RBFA: variants seen among roughly 807,000 people sequenced by gnomAD.
RBFA encodes ribosome binding factor A, also known as putative ribosome-binding factor A, mitochondrial.
A neutral mutation model predicts 27.9 loss-of-function variants in RBFA; 16 were observed. The observed-to-expected ratio is 0.57, with a 90% CI of 0.39 to 0.87. RBFA has a LOEUF of 0.87. Ranked by LOEUF, RBFA falls within the 40% of genes least tolerant of loss-of-function variation. The pLI is 0.00. For missense variants in RBFA, 456 were observed against 432.1 expected (o/e 1.06, Z -0.49); for synonymous variants, 181 against 181.0 (o/e 1.00, Z 0.00).
chr18:80,042,056 A>T (rs2052019966), intron 4 of RBFA, 79 bp from the exon 5 acceptor site: 2 of 1,066,470 alleles, frequency 1.9e-6, no homozygotes, highest in Non-Finnish European at 2.7e-6. Context: ...TACATCTTGA[A>T]TCATATGTTC....
intron 1 of RBFA, chr18:80,035,448 A>T (rs1178406474): frequency 6.6e-6 from 1 of 152,314 alleles, no homozygotes; most frequent in Non-Finnish European, 1.5e-5. Context: ...GGTACTGGTC[A>T]GGTGCTTTGC....
At position 80,049,123 on chromosome 18, in the gene RBFA, G is replaced by A. The variant is rs748116530; in HGVS notation, c.*2968G>A. 6.8e-6 allele frequency among the ~76,000 whole-genome samples: 1 copy of A among 146,902 alleles called. No individual in the cohort carries two copies. The highest frequency in any genetic ancestry group is 1.5e-5 in the Non-Finnish European group (1 of 66,890). On this transcript the variant is annotated 3_prime_UTR_variant, in exon 7 of 7. Transcript: ENST00000306735. ...GAGTTAGGGACACGGAAGCTCACCC[G>A]CTTCTGAATGGGTCCACTCCTGGGG...
chr18:80,045,970 A>C lies in RBFA; in HGVS notation c.847A>C (p.Lys283Gln), dbSNP rs1289475946. ...TQMKKGRKRA[K>Q]PRLEQDSSLK... ...GATGAAAAAGGGAAGGAAGAGGGCC[A>C]AGCCCCGCCTGGAGCAGGACAGCTC... is the stretch of plus-strand genomic sequence containing the variant. The change falls in exon 7 of 7, where the codon AAG becomes CAG. Residue 283 changes from lysine to glutamine, a missense_variant. Physicochemically the swap from Lys to Gln is moderately conservative, Grantham distance 53. Coordinates refer to ENST00000306735, the MANE Select transcript of RBFA (RefSeq NM_024805.3). The C allele has an allele frequency of 1.9e-6, 3 of 1,614,158 alleles. No homozygotes were observed. In the South Asian group the frequency reaches 3.3e-5, roughly 18 times the overall value.
In RBFA at chr18:80,047,441, G is replaced by A. The variant is rs1344816041; in HGVS notation, c.*1286G>A. On this transcript the variant is annotated 3_prime_UTR_variant, in exon 7 of 7. Transcript: ENST00000306735. The stretch of plus-strand genomic sequence containing the variant: ...ACTGTGTGGGGTAAGGACAGTAGGA[G>A]ATGCTGCTGCAAGATGCTGACTCCC... The A allele has an allele frequency of 6.6e-6, 1 of 152,384 alleles. No homozygotes were observed. Among genetic ancestry groups the A allele is most frequent in the African/African-American group, 2.4e-5 (1 of 41,430 alleles). 9.4% of individuals were successfully genotyped at this position (152,384 alleles called of 1,614,324 possible).
Position 80,046,361 on chromosome 18 carries a change from A to C in RBFA, c.*206A>C. The C allele has an allele frequency of 3.4e-6, 2 of 595,582 alleles. No individual in the cohort carries two copies. The highest frequency in any genetic ancestry group is 5.8e-6 in the Non-Finnish European group (2 of 344,054). The allele number at this position is 595,582 out of a possible 1,614,324, so 36.9% of individuals were successfully genotyped here. A position where few individuals can be genotyped will look rare whatever the true frequency, so the allele number is the denominator to read the frequency against. On this transcript the variant is annotated 3_prime_UTR_variant, in exon 7 of 7. Coordinates refer to ENST00000306735, the MANE Select transcript of RBFA (RefSeq NM_024805.3). ...TGCACTGTGTGTAATTTAAAAATTA[A>C]ATGGCCATCTTATCACAGATTCTCA...
In RBFA at chr18:80,044,193, C is replaced by T. The variant is rs776947614; in HGVS notation, c.577-19C>T. The T allele has an allele frequency of 6.2e-7, 1 of 1,611,800 alleles. No individual in the cohort carries two copies. Among genetic ancestry groups the T allele is most frequent in the Non-Finnish European group, 8.5e-7 (1 of 1,177,888 alleles). ...GTGGGGATGTGGCTAACGGGTTTAC[C>T]CTCTGTGTTCCTCTGTAGCTTGATC... On this transcript the variant is annotated intron_variant, in intron 5 of 6. Coordinates refer to ENST00000306735, the MANE Select transcript of RBFA (RefSeq NM_024805.3).
rs774998905 is a variant in RBFA, at chr18:80,050,585, T to A, written c.*4430T>A. 5.3e-5 allele frequency among the ~76,000 whole-genome samples: 8 copies of A among 152,246 alleles called. No homozygotes were observed. The highest frequency in any genetic ancestry group is 1.2e-4 in the Non-Finnish European group (8 of 68,034). Reference sequence around the variant, plus strand: ...TCTGTGCTGCTGCTCTACTGTGGCCTCAAAGATCATAAATGCTGTGGGTGC... The same window carrying A: ...TCTGTGCTGCTGCTCTACTGTGGCCACAAAGATCATAAATGCTGTGGGTGC... On this transcript the variant is annotated 3_prime_UTR_variant, in exon 7 of 7. Transcript: ENST00000306735.
chr18:80,038,557 T>G lies in RBFA; in HGVS notation c.431T>G (p.Leu144Arg), dbSNP rs757659027. Reference protein sequence around the residue: ...SACRAYWKTTLSAEQNAHMEA... With the variant: ...SACRAYWKTTRSAEQNAHMEA... Reference sequence around the variant, plus strand: ...TGCCGAGCGTACTGGAAGACAACGCTCTCTGCTGAGCAGAACGCACACATG... The same window carrying G: ...TGCCGAGCGTACTGGAAGACAACGCGCTCTGCTGAGCAGAACGCACACATG... The change falls in exon 4 of 7, where the codon CTC becomes CGC. Residue 144 changes from leucine to arginine, a missense_variant. Coordinates refer to ENST00000306735, the MANE Select transcript of RBFA (RefSeq NM_024805.3). 3.1e-6 allele frequency: 5 copies of G among 1,613,944 alleles called. No homozygotes were observed. The highest frequency in any genetic ancestry group is 2.7e-5 in the African/African-American group (2 of 74,906).
chr18:80,038,370 G>A (rs2051994696), intron 3 of RBFA, 135 bp from the exon 4 acceptor site: 2 of 616,890 alleles, frequency 3.2e-6, no homozygotes, highest in Non-Finnish European at 5.7e-6. Flanking sequence ...AGCAGGAGGT[G>A]GCCTCCAGCA....
chr18:80,046,195 C>T lies in RBFA; in HGVS notation c.*40C>T. The T allele has an allele frequency of 6.3e-7, 1 of 1,591,238 alleles. No individual in the cohort carries two copies. The highest frequency in any genetic ancestry group is 8.6e-7 in the Non-Finnish European group (1 of 1,166,790). On this transcript the variant is annotated 3_prime_UTR_variant, in exon 7 of 7. Coordinates refer to ENST00000306735, the MANE Select transcript of RBFA (RefSeq NM_024805.3). Reference sequence around the variant, plus strand: ...CCCATCCCACATTTGCAGGGAAAAGCATTGGCACGCAACGCAGCATGTGGC... The same window carrying T: ...CCCATCCCACATTTGCAGGGAAAAGTATTGGCACGCAACGCAGCATGTGGC...
At chr18:80,043,231 A>T (rs1021034376) in intron 5 of RBFA, among the ~76,000 whole-genome samples, 1 of 152,236 alleles carries the variant, frequency 6.6e-6, no homozygotes, top group Non-Finnish European at 1.5e-5. Flanking sequence ...TAGCGTTTGC[A>T]GTATTATAGG....
rs2051987736 is a variant in RBFA, at chr18:80,037,453, T to G, written c.325T>G (p.Cys109Gly). 6.2e-7 allele frequency: 1 copy of G among 1,614,004 alleles called. No individual in the cohort carries two copies. Among genetic ancestry groups the G allele is most frequent in the African/African-American group, 1.3e-5 (1 of 74,926 alleles). The change falls in exon 3 of 7, where the codon TGT (cysteine) becomes GGT (glycine). Residue 109 changes from cysteine to glycine, a missense_variant. By Grantham distance (159) the Cys-to-Gly change is radical (BLOSUM62 -3). Coordinates refer to ENST00000306735, the MANE Select transcript of RBFA (RefSeq NM_024805.3). ...CTATAAGGCACTGACAGACCTGCTGTGTACCCCTGAAGTGAGTCAGGAGCT... is the reference window on the plus strand; with the variant it reads ...CTATAAGGCACTGACAGACCTGCTGGGTACCCCTGAAGTGAGTCAGGAGCT... ...LLYKALTDLL[C>G]TPEVSQELYD...
In RBFA at chr18:80,046,178, A is replaced by G. The variant is rs747923143; in HGVS notation, c.*23A>G. ...TAGATGGAGAGGCTCTGCCCATCCC[A>G]CATTTGCAGGGAAAAGCATTGGCAC... On this transcript the variant is annotated 3_prime_UTR_variant, in exon 7 of 7. Transcript: ENST00000306735. 6.2e-7 allele frequency: 1 copy of G among 1,604,582 alleles called. No individual in the cohort carries two copies. The highest frequency in any genetic ancestry group is 2.2e-5 in the East Asian group (1 of 44,720).
intron 5 of RBFA, among the ~76,000 whole-genome samples, chr18:80,042,511 C>T (rs925323470): frequency 3.3e-5 from 5 of 152,106 alleles, no homozygotes; most frequent in African/African-American, 4.8e-5. Context: ...TGGCTCAAGC[C>T]TGTAATCCCA....
At position 80,049,097 on chromosome 18, in the gene RBFA, C is replaced by T. The variant is rs1029216149; in HGVS notation, c.*2942C>T. On this transcript the variant is annotated 3_prime_UTR_variant, in exon 7 of 7. Transcript: ENST00000306735. ...TTTCTGGCGTGGCCTTCCCTGGGAG[C>T]GAGTTAGGGACACGGAAGCTCACCC... 9.2e-5 allele frequency among the ~76,000 whole-genome samples: 14 copies of T among 152,232 alleles called. No individual in the cohort carries two copies. The highest frequency in any genetic ancestry group is 3.4e-3 in the Middle Eastern group (1 of 294).
rs2052052750 is a variant in RBFA at position 80,046,172 on chromosome 18, C to T, written c.*17C>T. ...AGGGAGTAGATGGAGAGGCTCTGCC[C>T]ATCCCACATTTGCAGGGAAAAGCAT... On this transcript the variant is annotated 3_prime_UTR_variant, in exon 7 of 7. Transcript: ENST00000306735. The T allele has an allele frequency of 6.2e-7, 1 of 1,606,660 alleles. No individual in the cohort carries two copies.
intron 4 of RBFA, among the ~76,000 whole-genome samples, chr18:80,040,239 A>ATT (rs71338083): frequency 5.5e-5 from 5 of 91,414 alleles, no homozygotes; most frequent in East Asian, 4.5e-4. Flanking sequence ...GGAGGCCTGA[A>ATT]TTTTTTTTTT....
rs892643799 is a variant in RBFA, at chr18:80,047,290, T to C, written c.*1135T>C. 7 of 152,420 alleles carry C rather than the reference T, an allele frequency of 4.6e-5. No homozygotes were observed. The highest frequency in any genetic ancestry group is 3.4e-3 in the Middle Eastern group (1 of 298). The allele number at this position is 152,420 out of a possible 1,614,324, so 9.4% of individuals were successfully genotyped here. On this transcript the variant is annotated 3_prime_UTR_variant, in exon 7 of 7. Coordinates refer to ENST00000306735, the MANE Select transcript of RBFA (RefSeq NM_024805.3). The stretch of plus-strand genomic sequence containing the variant: ...CCACCTCCTCCCCAAAAAGGAGAAG[T>C]GTCCAAGGGATAGCAGACCCGTAGC...
rs1044500265 is a variant in RBFA at position 80,046,301 on chromosome 18, A to G, written c.*146A>G. ...TTCTAGCTTTTCCGTGTATCTAAAC[A>G]CAATTTGCTACACAAGTCACTGTTT... On this transcript the variant is annotated 3_prime_UTR_variant, in exon 7 of 7. Transcript: ENST00000306735. 5 of 877,888 alleles carry G rather than the reference A, an allele frequency of 5.7e-6. No homozygotes were observed. Among genetic ancestry groups the G allele is most frequent in the African/African-American group, 3.4e-5 (2 of 58,812 alleles). The allele number at this position is 877,888 out of a possible 1,614,324, so 54.4% of individuals were successfully genotyped here. A position where few individuals can be genotyped will look rare whatever the true frequency, so the allele number is the denominator to read the frequency against.
Sources: gnomAD v4.1 joint callset for allele counts (sites outside exome capture counted in the v4.1 genomes callset) on GRCh38, gnomAD v4.1.1 for gene constraint, MANE v1.5 for transcripts, NCBI Gene and HGNC (gene_info 2026-07-23, HGNC 2026-07-21) for gene names.